Variants in GLIS3 observed in about 807,000 individuals in gnomAD.
GLIS3 encodes zinc finger protein GLIS3.
GLIS3 carries 53 observed loss-of-function variants against 78.6 expected under a neutral mutation model. The observed-to-expected ratio is 0.67, with a 90% CI of 0.54 to 0.85. GLIS3 has a LOEUF of 0.85. GLIS3 is among the 40% of genes least tolerant of loss of function. The pLI is 0.00. For synonymous variants in GLIS3, 684 were observed against 509.9 expected, an observed-to-expected ratio of 1.34 and a Z score of -4.60; for missense variants, 1,703 against 1,231.1, an observed-to-expected ratio of 1.38 and a Z score of -5.74.
At chr9:4,213,322 T>C (rs1303815410) in intron 2 of GLIS3, among the ~76,000 whole-genome samples, 1 of 152,198 alleles carries the variant, frequency 6.6e-6, no homozygotes, top group African/African-American at 2.4e-5. Context: ...TCTGGGCTAG[T>C]AGCCTCTCCT....
intron 4 of GLIS3, among the ~76,000 whole-genome samples, chr9:4,104,343 C>T (rs1830596637): frequency 6.6e-6 from 1 of 152,100 alleles, no homozygotes. Context: ...ACTTCTGTCT[C>T]TATACCTCAT....
At chr9:4,267,600 T>C (rs1424148856) in intron 2 of GLIS3, among the ~76,000 whole-genome samples, 1 of 152,262 alleles carries the variant, frequency 6.6e-6, no homozygotes, top group Admixed American at 6.5e-5. Context: ...AGTCTATGTC[T>C]GGCACATCTT....
intron 4 of GLIS3, among the ~76,000 whole-genome samples, chr9:4,060,965 T>A (rs1219238310): frequency 6.6e-6 from 1 of 152,168 alleles, no homozygotes; most frequent in Non-Finnish European, 1.5e-5. Flanking sequence ...TGCCTGCTAG[T>A]TCCTACTTTC....
intron 2 of GLIS3, among the ~76,000 whole-genome samples, chr9:4,327,344 G>C (rs1262967359): frequency 1.3e-5 from 2 of 152,176 alleles, no homozygotes; most frequent in South Asian, 4.1e-4. Flanking sequence ...AGTAGGGGAA[G>C]AGGGAGGAGA....
intron 2 of GLIS3, among the ~76,000 whole-genome samples, chr9:4,153,656 T>C (rs1453280653): frequency 6.6e-6 from 1 of 152,192 alleles, no homozygotes; most frequent in Non-Finnish European, 1.5e-5. Flanking sequence ...CTCAAATATA[T>C]AGTAAAGTTT....
At chr9:4,353,285 T>A (rs1433249434), upstream of GLIS3, among the ~76,000 whole-genome samples, 1 of 152,172 alleles carries the variant, frequency 6.6e-6, no homozygotes, top group Non-Finnish European at 1.5e-5. Context: ...CAGCAACTCC[T>A]CAAAGACTCC....
Position 3,825,072 on chromosome 9 carries a change from C to T in GLIS3, c.*3200G>A, listed in dbSNP as rs1340147413. ...TGTACAGTTACTATTCCCAATACTTCAAGGCAACTGGAAAGTCAAGGTTCT... is the reference window on the plus strand; with the variant it reads ...TGTACAGTTACTATTCCCAATACTTTAAGGCAACTGGAAAGTCAAGGTTCT... On this transcript the variant is annotated 3_prime_UTR_variant, in exon 11 of 11. Coordinates refer to ENST00000381971, the MANE Select transcript of GLIS3 (RefSeq NM_001042413.2). 1 of 152,134 alleles carries T rather than the reference C, an allele frequency of 6.6e-6. No individual in the cohort carries two copies. Among genetic ancestry groups the T allele is most frequent in the Non-Finnish European group, 1.5e-5 (1 of 68,026 alleles). The allele number at this position is 152,134 out of a possible 1,614,324, so 9.4% of individuals were successfully genotyped here.
At chr9:4,161,855 T>G (rs1023426764) in intron 2 of GLIS3, among the ~76,000 whole-genome samples, 2 of 151,684 alleles carry the variant, frequency 1.3e-5, no homozygotes, top group Non-Finnish European at 2.9e-5. Context: ...TTTTGTTTTT[T>G]TTTTTTTTCA....
the GLIS3 span, among the ~76,000 whole-genome samples, chr9:4,423,905 G>A: frequency 6.6e-6 from 1 of 152,276 alleles, no homozygotes; most frequent in Non-Finnish European, 1.5e-5. Context: ...TCTGTAGTGA[G>A]GTGGGAAATG....
chr9:4,465,672 T>C, the GLIS3 span, among the ~76,000 whole-genome samples: 217 of 152,348 alleles, frequency 1.4e-3, no homozygotes, highest in Non-Finnish European at 2.7e-3. Flanking sequence ...TATTTCATAT[T>C]GCATGCCTGT....
chr9:4,034,947 G>A (rs914211281), intron 4 of GLIS3: 1 of 152,122 alleles, frequency 6.6e-6, no homozygotes, highest in African/African-American at 2.4e-5. Context: ...GTAGTAGCAG[G>A]AGGGTGCCTG....
chr9:4,093,105 A>G (rs1564035777), intron 4 of GLIS3, among the ~76,000 whole-genome samples: 1 of 152,164 alleles, frequency 6.6e-6, no homozygotes, highest in Non-Finnish European at 1.5e-5. Context: ...GCCTGCATGT[A>G]TATTTAATTA....
chr9:4,256,152 C>A (rs185886230), intron 2 of GLIS3, among the ~76,000 whole-genome samples: 1 of 151,894 alleles, frequency 6.6e-6, no homozygotes, highest in East Asian at 1.9e-4. Context: ...AACAGATGAG[C>A]GACCCCAGGT....
the GLIS3 span, among the ~76,000 whole-genome samples, chr9:4,397,753 A>AAGGAG: frequency 1.4e-5 from 2 of 146,572 alleles, no homozygotes; most frequent in African/African-American, 2.6e-5. Context: ...AGAAAGAGGA[A>AAGGAG]AGGAGAGGAG....
At chr9:4,379,913 G>C in the GLIS3 span, among the ~76,000 whole-genome samples, 2 of 152,018 alleles carry the variant, frequency 1.3e-5, no homozygotes, top group African/African-American at 4.8e-5. Flanking sequence ...TTTTAGCATA[G>C]ACATCAAACC....
chr9:4,309,914 C>A (rs556491137), intron 3 of GLIS3, among the ~76,000 whole-genome samples: 2 of 152,166 alleles, frequency 1.3e-5, no homozygotes, highest in African/African-American at 2.4e-5. Context: ...CAAAAGATTT[C>A]TCTCAAAGGT....
the GLIS3 span, among the ~76,000 whole-genome samples, chr9:4,454,329 G>T: frequency 6.6e-6 from 1 of 152,146 alleles, no homozygotes; most frequent in African/African-American, 2.4e-5. Flanking sequence ...GATATAAAAT[G>T]GGGTTGAGAC....
rs557105857 is a variant in GLIS3 at position 3,827,751 on chromosome 9, G to T, written c.*521C>A. On this transcript the variant is annotated 3_prime_UTR_variant, in exon 11 of 11. Coordinates refer to ENST00000381971, the MANE Select transcript of GLIS3 (RefSeq NM_001042413.2). Reference sequence around the variant, plus strand: ...TGGTTAGCATGTGGCTAAGAGAAAAGGGAAACCCAGGGAGTTTCTAAGAGT... The same window carrying T: ...TGGTTAGCATGTGGCTAAGAGAAAATGGAAACCCAGGGAGTTTCTAAGAGT... 5 of 165,532 alleles carry T rather than the reference G, an allele frequency of 3.0e-5. No individual in the cohort carries two copies. The highest frequency in any genetic ancestry group is 1.2e-4 in the African/African-American group (5 of 41,788). 10.3% of individuals were successfully genotyped at this position (165,532 alleles called of 1,614,324 possible). A position where few individuals can be genotyped will look rare whatever the true frequency, so the allele number is the denominator to read the frequency against.
At chr9:4,042,677 A>G (rs1042965617) in intron 4 of GLIS3, among the ~76,000 whole-genome samples, 3 of 152,258 alleles carry the variant, frequency 2.0e-5, no homozygotes, top group Non-Finnish European at 2.9e-5. Context: ...AAACACTCAA[A>G]ATCACTTCAG....
Sources: gnomAD v4.1 joint callset for allele counts (sites outside exome capture counted in the v4.1 genomes callset) on GRCh38, gnomAD v4.1.1 for gene constraint, MANE v1.5 for transcripts, NCBI Gene and HGNC (gene_info 2026-07-23, HGNC 2026-07-21) for gene names.